Variants in LASP1 observed in about 807,000 individuals in gnomAD.
The protein encoded by LASP1 is LIM and SH3 domain protein 1.
In LASP1, 10 loss-of-function variants were observed where a neutral mutation model predicts 38.6. The observed-to-expected ratio is 0.26, with a 90% CI of 0.16 to 0.44. The LOEUF (loss-of-function observed/expected upper bound fraction) is 0.44. LASP1 is among the 20% of genes least tolerant of loss of function. The pLI is 1.00. For synonymous variants in LASP1, 132 were observed against 140.8 expected, an observed-to-expected ratio of 0.94 and a Z score of 0.44; for missense variants, 243 against 375.7, an observed-to-expected ratio of 0.65 and a Z score of 2.92.
intron 2 of LASP1, among the ~76,000 whole-genome samples, chr17:38,887,974 A>G (rs1914192882): frequency 1.3e-5 from 2 of 152,266 alleles, no homozygotes; most frequent in South Asian, 2.1e-4. Context: ...CCAGGAGGCC[A>G]TCTATGGCTT....
rs1258382311 is a variant in LASP1, at chr17:38,921,475, A to C, written c.*2697A>C. ...GCCTTTTTTTATAGCTGGAAAAAAC[A>C]AAATACCACCCTACAAACCTGTATT... On this transcript the variant is annotated 3_prime_UTR_variant, in exon 7 of 7. Transcript: ENST00000318008. The C allele has an allele frequency of 4.3e-6, 1 of 232,480 alleles. No homozygotes were observed. Among genetic ancestry groups the C allele is most frequent in the Non-Finnish European group, 8.5e-6 (1 of 117,452 alleles). The allele number at this position is 232,480 out of a possible 1,614,324, so 14.4% of individuals were successfully genotyped here.
intron 2 of LASP1, among the ~76,000 whole-genome samples, chr17:38,881,016 T>G (rs919599685): frequency 3.3e-5 from 5 of 152,084 alleles, no homozygotes. Context: ...GGCAGGAGAA[T>G]TGCTTGAACC....
intron 2 of LASP1, among the ~76,000 whole-genome samples, chr17:38,886,864 G>C (rs1914155892): frequency 6.6e-6 from 1 of 152,212 alleles, no homozygotes; most frequent in Non-Finnish European, 1.5e-5. Flanking sequence ...AGGTGCACCT[G>C]TCTGGCGGTC....
At position 38,898,423 on chromosome 17, in the gene LASP1, G is replaced by A; in HGVS notation, c.261G>A (p.Lys87=). The part of the protein sequence containing the change: ...QSELQSQVRY[K]EEFEKNKGKG... The stretch of plus-strand genomic sequence containing the variant: ...CTCCCCTCCTGCAGGTGCGCTACAA[G>A]GAGGAGTTTGAGAAGAACAAGGGCA... Residue 87 remains lysine (K), a synonymous_variant, in exon 4 of 7, where the codon AAG becomes AAA. Coordinates refer to ENST00000318008, the MANE Select transcript of LASP1 (RefSeq NM_006148.4). The A allele has an allele frequency of 1.3e-6, 2 of 1,549,372 alleles. No homozygotes were observed. The highest frequency in any genetic ancestry group is 4.9e-5 in the East Asian group (2 of 40,870).
intron 1 of LASP1, among the ~76,000 whole-genome samples, chr17:38,876,570 G>A (rs1167969199): frequency 6.6e-6 from 1 of 151,668 alleles, no homozygotes; most frequent in Admixed American, 6.6e-5. Flanking sequence ...CACCATGTTG[G>A]CCAGGCTGGT....
At chr17:38,896,595 G>A (rs575787471) in intron 3 of LASP1, among the ~76,000 whole-genome samples, 4 of 152,382 alleles carry the variant, frequency 2.6e-5, no homozygotes, top group East Asian at 3.9e-4. Flanking sequence ...AGCAGGGGAC[G>A]GAGTGGGGGA....
chr17:38,914,230 G>T (rs1915041001), intron 4 of LASP1, 95 bp from the exon 5 acceptor site: 2 of 1,437,742 alleles, frequency 1.4e-6, no homozygotes, highest in Non-Finnish European at 1.9e-6. Context: ...CAAAGCTCTT[G>T]GGTAGTCTCT....
chr17:38,902,014 G>A (rs1361516306), intron 4 of LASP1, among the ~76,000 whole-genome samples: 3 of 152,038 alleles, frequency 2.0e-5, no homozygotes, highest in South Asian at 2.1e-4. Flanking sequence ...TGATCCACCC[G>A]CCTCGGCCTC....
At chr17:38,905,530 C>CATA in intron 4 of LASP1, among the ~76,000 whole-genome samples, 1 of 93,128 alleles carries the variant, frequency 1.1e-5, no homozygotes, top group Non-Finnish European at 2.1e-5. Flanking sequence ...GACTCCATCT[C>CATA]AAAAAAAAAA....
chr17:38,917,546 G>A (rs1005610326), intron 6 of LASP1, among the ~76,000 whole-genome samples: 1 of 152,068 alleles, frequency 6.6e-6, no homozygotes, highest in Non-Finnish European at 1.5e-5. Flanking sequence ...TGATAGACTC[G>A]TCTTCTGTCC....
chr17:38,876,830 G>A (rs1046172673), intron 1 of LASP1, among the ~76,000 whole-genome samples: 5 of 151,558 alleles, frequency 3.3e-5, no homozygotes, highest in African/African-American at 9.7e-5. Flanking sequence ...AGCCTCCCAA[G>A]TAGCTGGGAC....
chr17:38,912,013 C>T (rs554019414), intron 4 of LASP1, among the ~76,000 whole-genome samples: 2 of 152,324 alleles, frequency 1.3e-5, no homozygotes, highest in South Asian at 2.1e-4. Context: ...AGGCTGGTCT[C>T]GAACTCCTGA....
intron 4 of LASP1, among the ~76,000 whole-genome samples, chr17:38,905,906 G>A (rs568863902): frequency 1.6e-3 from 237 of 151,840 alleles, no homozygotes; most frequent in African/African-American, 5.5e-3. Flanking sequence ...AAAAAAGAAA[G>A]AAAATTAGCC....
In LASP1 at chr17:38,888,021, G is replaced by T. The variant is rs115114994; in HGVS notation, c.165-2399G>T. Among the ~76,000 whole-genome samples, 1,021 of 152,280 alleles carry T rather than the reference G, an allele frequency of 6.7e-3. 15 individuals carry two copies. Among genetic ancestry groups the T allele is most frequent in the African/African-American group, 0.023 (956 of 41,544 alleles). On this transcript the variant is annotated intron_variant, in intron 2 of 6. Transcript: ENST00000318008. ...GCCTGTGAGTCAGGGATCTGCAGGG[G>T]TCATAGCTGTGGTGGGCTGTGGTCA...
chr17:38,901,675 C>T (rs1462625274), intron 4 of LASP1, among the ~76,000 whole-genome samples: 1 of 152,178 alleles, frequency 6.6e-6, no homozygotes, highest in African/African-American at 2.4e-5. Flanking sequence ...AGTTTGAGAG[C>T]CACCACCTAA....
At chr17:38,897,007 G>A in intron 3 of LASP1, 3 of 985,426 alleles carry the variant, frequency 3.0e-6, no homozygotes, top group Non-Finnish European at 3.6e-6. Context: ...CTTCCCAAAG[G>A]GCCTCCCACT....
chr17:38,873,766 G>A (rs1029307028), intron 1 of LASP1: 1 of 152,306 alleles, frequency 6.6e-6, no homozygotes, highest in African/African-American at 2.4e-5. Flanking sequence ...CGGCCAGGGT[G>A]GGGCTGGCAT....
rs1426642405 is a variant in LASP1, at chr17:38,919,864, G to T, written c.*1086G>T. 4.3e-6 allele frequency: 2 copies of T among 470,444 alleles called. No individual in the cohort carries two copies. The highest frequency in any genetic ancestry group is 2.7e-5 in the Admixed American group (1 of 37,674). 29.1% of individuals were successfully genotyped at this position (470,444 alleles called of 1,614,324 possible). A position where few individuals can be genotyped will look rare whatever the true frequency, so the allele number is the denominator to read the frequency against. Reference sequence around the variant, plus strand: ...ATGTATGTCTGCAGGTGTCTGACACGCAAGTGTGTGAGTGTGAGTGTGAGA... The same window carrying T: ...ATGTATGTCTGCAGGTGTCTGACACTCAAGTGTGTGAGTGTGAGTGTGAGA... On this transcript the variant is annotated 3_prime_UTR_variant, in exon 7 of 7. Coordinates refer to ENST00000318008, the MANE Select transcript of LASP1 (RefSeq NM_006148.4).
At position 38,919,552 on chromosome 17, in the gene LASP1, C is replaced by T. The variant is rs1438802353; in HGVS notation, c.*774C>T. On this transcript the variant is annotated 3_prime_UTR_variant, in exon 7 of 7. Coordinates refer to ENST00000318008, the MANE Select transcript of LASP1 (RefSeq NM_006148.4). Reference sequence around the variant, plus strand: ...AACAAGGAGTTCTCTTCCGCAGCCCCTTTCCCCACGCCCACCCCCAGTCTC... The same window carrying T: ...AACAAGGAGTTCTCTTCCGCAGCCCTTTTCCCCACGCCCACCCCCAGTCTC... The T allele has an allele frequency of 4.0e-6, 1 of 247,010 alleles. No individual in the cohort carries two copies. The highest frequency in any genetic ancestry group is 8.0e-6 in the Non-Finnish European group (1 of 125,164). The allele number at this position is 247,010 out of a possible 1,614,324, so 15.3% of individuals were successfully genotyped here.
Sources: allele counts gnomAD v4.1 joint callset (sites outside exome capture counted in the v4.1 genomes callset), GRCh38; gene constraint gnomAD v4.1.1; transcripts MANE v1.5; gene names NCBI Gene and HGNC (gene_info 2026-07-23, HGNC 2026-07-21).